ZNF83: variants seen among roughly 807,000 people sequenced by gnomAD.
The protein encoded by ZNF83 is zinc finger protein 83, also known as zinc finger protein 816B.
For synonymous variants in ZNF83, 209 were observed against 213.0 expected (o/e 0.98, Z 0.17); for missense variants, 552 against 629.9 (o/e 0.88, Z 1.32).
At chr19:52,621,032 G>C (rs996600673) in intron 2 of ZNF83, among the ~76,000 whole-genome samples, 1 of 152,150 alleles carries the variant, frequency 6.6e-6, no homozygotes, top group East Asian at 1.9e-4. Context: ...GACTCAGCCT[G>C]CCTGCACCCA....
intron 2 of ZNF83, chr19:52,618,966 A>G (rs10402820): frequency 0.021 from 30,296 of 1,428,420 alleles, 6,311 homozygotes; most frequent in African/African-American, 0.1. Context: ...TAATTCTCCA[A>G]CATCACATCT....
intron 2 of ZNF83, among the ~76,000 whole-genome samples, chr19:52,633,220 A>G (rs1435209516): frequency 1.0e-5 from 1 of 100,462 alleles, no homozygotes; most frequent in Non-Finnish European, 2.0e-5. Context: ...ACCCCTGCCC[A>G]CCAGAGAACA....
chr19:52,627,351 G>C (rs1053312843), intron 2 of ZNF83, among the ~76,000 whole-genome samples: 3 of 148,178 alleles, frequency 2.0e-5, no homozygotes, highest in Non-Finnish European at 4.5e-5. Flanking sequence ...TGGGAGGAAG[G>C]AGAGGCATAA....
intron 1 of ZNF83, among the ~76,000 whole-genome samples, chr19:52,686,239 C>T (rs1264992850): frequency 1.3e-5 from 2 of 151,778 alleles, no homozygotes; most frequent in Non-Finnish European, 2.9e-5. Context: ...GAACTGGATG[C>T]AACTAATTTC....
At chr19:52,615,776 T>C (rs7257138) in intron 2 of ZNF83, among the ~76,000 whole-genome samples, 55,663 of 152,102 alleles carry the variant, frequency 0.37, 10,384 homozygotes, top group Middle Eastern at 0.49. Context: ...GCTGATGTGG[T>C]TAAGACATGA....
chr19:52,633,949 G>A (rs1322761078), intron 2 of ZNF83, among the ~76,000 whole-genome samples: 4 of 151,940 alleles, frequency 2.6e-5, no homozygotes, highest in African/African-American at 4.8e-5. Flanking sequence ...ATCATGTGAT[G>A]TTCAAATATA....
chr19:52,680,652 G>C (rs1381319722), intron 1 of ZNF83, among the ~76,000 whole-genome samples: 2 of 114,054 alleles, frequency 1.8e-5, no homozygotes, highest in African/African-American at 3.8e-5. Context: ...TCGCTCTGTC[G>C]CCCAGGCTGG....
Position 52,666,516 on chromosome 19 carries a change from A to G in ZNF83, c.-282-5673T>C, listed in dbSNP as rs564839276. Among the ~76,000 whole-genome samples, 153 of 151,964 alleles carry G rather than the reference A, an allele frequency of 1.0e-3. 1 individual carries two copies. Among genetic ancestry groups the G allele is most frequent in the African/African-American group, 3.4e-3 (141 of 41,438 alleles). On this transcript the variant is annotated intron_variant, in intron 1 of 5. Transcript: ENST00000594682. ...ACCGCGGATGGCCCAAATGCATTCAATCTGTAGTGGCAACTGCTCAGCTAA... is the reference window on the plus strand; with the variant it reads ...ACCGCGGATGGCCCAAATGCATTCAGTCTGTAGTGGCAACTGCTCAGCTAA...
intron 3 of ZNF83, chr19:52,653,018 G>A: frequency 7.0e-7 from 1 of 1,435,718 alleles, no homozygotes; most frequent in South Asian, 1.1e-5. Flanking sequence ...TGTTGTGCAA[G>A]GTTTGACTGT....
chr19:52,687,631 A>ATAATG (rs1568589073), intron 1 of ZNF83, among the ~76,000 whole-genome samples: 3 of 10,736 alleles, frequency 2.8e-4, no homozygotes, highest in African/African-American at 1.2e-3. Context: ...TATATATATA[A>ATAATG]TGTATATATA....
At chr19:52,647,267 A>C (rs190673804) in intron 3 of ZNF83, among the ~76,000 whole-genome samples, 12 of 152,302 alleles carry the variant, frequency 7.9e-5, no homozygotes, top group African/African-American at 2.6e-4. Context: ...TAGAATGTAC[A>C]TGTCTTATAG....
chr19:52,683,226 CTCTGTGTGTGTG>C (rs1253227620), intron 1 of ZNF83, among the ~76,000 whole-genome samples: 1,485 of 135,744 alleles, frequency 0.011, 6 homozygotes, highest in African/African-American at 0.018. Flanking sequence ...TGCCCTGTGA[CTCTGTGTGTGTG>C]TGTGTGTGTG....
intron 1 of ZNF83, among the ~76,000 whole-genome samples, chr19:52,667,723 T>C (rs1288580720): frequency 2.6e-5 from 4 of 152,212 alleles, no homozygotes; most frequent in Admixed American, 1.3e-4. Context: ...CAACCAGTTT[T>C]TCTTAAAGCA....
intron 1 of ZNF83, among the ~76,000 whole-genome samples, chr19:52,683,999 C>G (rs2061971860): frequency 4.6e-5 from 7 of 152,084 alleles, no homozygotes; most frequent in Admixed American, 4.6e-4. Context: ...ACCGGGAGAC[C>G]AAGGCAGGTG....
chr19:52,644,009 C>G (rs992669384), intron 3 of ZNF83, among the ~76,000 whole-genome samples: 10 of 152,114 alleles, frequency 6.6e-5, no homozygotes, highest in African/African-American at 2.2e-4. Flanking sequence ...GCTGTGGAGC[C>G]ACAGTGAGGA....
intron 1 of ZNF83, among the ~76,000 whole-genome samples, chr19:52,666,159 A>G (rs2061648500): frequency 3.0e-5 from 3 of 100,316 alleles, no homozygotes; most frequent in African/African-American, 3.7e-5. Context: ...GCAAGACTCC[A>G]TCTCAAAAAA....
intron 3 of ZNF83, among the ~76,000 whole-genome samples, chr19:52,648,696 C>T (rs758249810): frequency 5.3e-5 from 8 of 151,282 alleles, no homozygotes; most frequent in Non-Finnish European, 8.8e-5. Flanking sequence ...TTAGATCCAC[C>T]ACAGTCAGCT....
chr19:52,645,777 A>C (rs770837378), intron 3 of ZNF83, among the ~76,000 whole-genome samples: 33 of 150,300 alleles, frequency 2.2e-4, no homozygotes, highest in Admixed American at 2.7e-4. Flanking sequence ...ACTGCACTCC[A>C]GTGTGGGTGA....
At chr19:52,632,107 A>G (rs1349501583) in intron 2 of ZNF83, among the ~76,000 whole-genome samples, 1 of 151,628 alleles carries the variant, frequency 6.6e-6, no homozygotes, top group East Asian at 1.9e-4. Context: ...AGGCCACTGC[A>G]GTCATTTCTT....
Sources: allele counts gnomAD v4.1 joint callset (sites outside exome capture counted in the v4.1 genomes callset), GRCh38; gene constraint gnomAD v4.1.1; transcripts MANE v1.5; gene names NCBI Gene and HGNC (gene_info 2026-07-23, HGNC 2026-07-21).